Variants in CHN1 observed in about 807,000 individuals in gnomAD.
CHN1 encodes the protein chimerin 1.
A neutral mutation model predicts 59.5 loss-of-function variants in CHN1; 37 were observed. The ratio of observed to expected loss-of-function variants is 0.62; its 90% CI spans 0.48 to 0.82. The LOEUF (loss-of-function observed/expected upper bound fraction) is 0.82, where lower values mean the gene tolerates loss of function less well. Ranked by LOEUF, CHN1 falls within the 40% of genes least tolerant of loss-of-function variation. The probability of loss-of-function intolerance (pLI) is 0.00; values close to 1 mark genes in which losing one functional copy is unlikely to be tolerated. For missense variants in CHN1, 469 were observed against 571.0 expected, an observed-to-expected ratio of 0.82 and a Z score of 1.82; for synonymous variants, 206 against 200.4, an observed-to-expected ratio of 1.03 and a Z score of -0.24.
chr2:174,807,446 CTGTGTGTGTGTGTGTGTGTGTGTGTG>C (rs71031071), intron 11 of CHN1, among the ~76,000 whole-genome samples: 98 of 83,844 alleles, frequency 1.2e-3, no homozygotes, highest in Admixed American at 2.4e-3. Flanking sequence ...CACGGGCTAT[CTGTGTGTGTGTGTGTGTGTGTGTGTG>C]TGTGTGTGTG....
At chr2:174,948,324 A>G (rs979696926) in intron 2 of CHN1, among the ~76,000 whole-genome samples, 3 of 152,152 alleles carry the variant, frequency 2.0e-5, no homozygotes, top group Non-Finnish European at 2.9e-5. Flanking sequence ...ATTTTGAGCT[A>G]CTCTCTACAG....
chr2:174,919,050 T>C (rs776005975), intron 3 of CHN1, among the ~76,000 whole-genome samples: 7 of 152,128 alleles, frequency 4.6e-5, no homozygotes, highest in African/African-American at 1.7e-4. Flanking sequence ...GTGTTGGCTA[T>C]AGCTAAGAAA....
At chr2:174,975,654 A>G (rs6758886) in intron 1 of CHN1, among the ~76,000 whole-genome samples, 2 of 147,486 alleles carry the variant, frequency 1.4e-5, no homozygotes, top group Non-Finnish European at 2.9e-5. Context: ...AACAAAACAA[A>G]CAAAAAAAAA....
intron 1 of CHN1, among the ~76,000 whole-genome samples, chr2:174,955,158 G>A (rs1243761734): frequency 8.5e-6 from 1 of 117,824 alleles, no homozygotes; most frequent in South Asian, 2.7e-4. Flanking sequence ...ATATATCTAT[G>A]TCTATATATC....
intron 6 of CHN1, among the ~76,000 whole-genome samples, chr2:174,855,884 C>T (rs942311569): frequency 1.3e-5 from 2 of 152,104 alleles, no homozygotes; most frequent in Non-Finnish European, 2.9e-5. Flanking sequence ...CTAACTAGTA[C>T]ATGATGAAAG....
At chr2:174,867,937 A>G (rs1000223209) in intron 6 of CHN1, among the ~76,000 whole-genome samples, 1 of 152,190 alleles carries the variant, frequency 6.6e-6, no homozygotes, top group African/African-American at 2.4e-5. Flanking sequence ...TTGTGTAAGC[A>G]ATGAACATGG....
chr2:175,002,651 C>A (rs1691927056), intron 1 of CHN1, among the ~76,000 whole-genome samples: 1 of 152,176 alleles, frequency 6.6e-6, no homozygotes, highest in Admixed American at 6.5e-5. Context: ...ACTGCACTAA[C>A]TAATCAACCA....
At chr2:174,827,065 C>T (rs1023450494) in intron 7 of CHN1, among the ~76,000 whole-genome samples, 3 of 152,086 alleles carry the variant, frequency 2.0e-5, no homozygotes, top group Admixed American at 1.3e-4. Flanking sequence ...ACTGGATTCC[C>T]TTTTGAATTT....
chr2:174,831,852 CTT>C (rs1410356490), intron 7 of CHN1, among the ~76,000 whole-genome samples: 2 of 152,104 alleles, frequency 1.3e-5, no homozygotes, highest in Non-Finnish European at 2.9e-5. Context: ...AAAATCAACA[CTT>C]TGAAATACCA....
chr2:174,926,523 T>C (rs1470379008), intron 3 of CHN1, among the ~76,000 whole-genome samples: 3 of 152,166 alleles, frequency 2.0e-5, no homozygotes, highest in African/African-American at 4.8e-5. Flanking sequence ...GCATTGTAAA[T>C]TGATAGCTCA....
intron 7 of CHN1, among the ~76,000 whole-genome samples, chr2:174,843,428 A>G (rs953207625): frequency 1.3e-5 from 2 of 151,988 alleles, no homozygotes; most frequent in African/African-American, 4.8e-5. Flanking sequence ...TAGTAGAGAC[A>G]GGGTTTCCCC....
chr2:174,908,250 T>C (rs1210069402), intron 5 of CHN1, among the ~76,000 whole-genome samples: 2 of 152,222 alleles, frequency 1.3e-5, no homozygotes, highest in African/African-American at 2.4e-5. Flanking sequence ...TCTGTAAGGA[T>C]ACAGAAGCCC....
chr2:174,817,169 CCT>C (rs1370173712), intron 8 of CHN1, among the ~76,000 whole-genome samples: 1 of 152,120 alleles, frequency 6.6e-6, no homozygotes, highest in African/African-American at 2.4e-5. Context: ...CTATTTTCAA[CCT>C]CTTATTCAAA....
At chr2:174,803,661 C>A (rs1245199752) in intron 11 of CHN1, among the ~76,000 whole-genome samples, 1 of 152,176 alleles carries the variant, frequency 6.6e-6, no homozygotes, top group Non-Finnish European at 1.5e-5. Context: ...CTCAGGTGAT[C>A]CTCCTGCCTC....
chr2:174,872,609 T>C (rs1687443823), intron 6 of CHN1, among the ~76,000 whole-genome samples: 1 of 152,208 alleles, frequency 6.6e-6, no homozygotes, highest in South Asian at 2.1e-4. Context: ...CGTTTCCTGA[T>C]TAGAGATAGA....
chr2:174,992,288 T>C (rs895947640), intron 1 of CHN1, among the ~76,000 whole-genome samples: 1 of 151,488 alleles, frequency 6.6e-6, no homozygotes, highest in African/African-American at 2.4e-5. Context: ...AGCTGTGGAG[T>C]GTATGGAAGG....
chr2:174,950,472 G>C (rs1054723687), intron 2 of CHN1, among the ~76,000 whole-genome samples: 1 of 151,888 alleles, frequency 6.6e-6, no homozygotes, highest in Admixed American at 6.6e-5. Flanking sequence ...CACCATGTTA[G>C]GCTGGTCACA....
At chr2:174,940,539 T>A (rs974197236) in intron 3 of CHN1, among the ~76,000 whole-genome samples, 26 of 152,224 alleles carry the variant, frequency 1.7e-4, no homozygotes, top group Non-Finnish European at 3.7e-4. Flanking sequence ...CACTGTTTTT[T>A]TTTTATGATA....
At chr2:174,930,027 G>A (rs905388015) in intron 3 of CHN1, among the ~76,000 whole-genome samples, 20 of 152,214 alleles carry the variant, frequency 1.3e-4, no homozygotes, top group African/African-American at 3.9e-4. Flanking sequence ...TCATGGATGC[G>A]TATAGTTTAT....
Sources: allele counts gnomAD v4.1 joint callset (sites outside exome capture counted in the v4.1 genomes callset), GRCh38; gene constraint gnomAD v4.1.1; transcripts MANE v1.5; gene names NCBI Gene and HGNC (gene_info 2026-07-23, HGNC 2026-07-21).